SRC: variants seen among roughly 807,000 people sequenced by gnomAD.
The protein encoded by SRC is SRC proto-oncogene, non-receptor tyrosine kinase.
Under a neutral mutation model 62.9 loss-of-function variants are expected in SRC, and 13 were observed. The observed-to-expected ratio is 0.21, with a 90% CI of 0.13 to 0.33. SRC has a LOEUF of 0.33. Ranked by LOEUF, SRC falls within the 10% of genes least tolerant of loss-of-function variation. The pLI is 1.00. For synonymous variants in SRC, 302 were observed against 317.5 expected (o/e 0.95, Z 0.52); for missense variants, 457 against 737.3 (o/e 0.62, Z 4.40).
chr20:37,399,882 A>G (rs2070712458), intron 9 of SRC, among the ~76,000 whole-genome samples: 2 of 152,194 alleles, frequency 1.3e-5, no homozygotes, highest in African/African-American at 2.4e-5. Flanking sequence ...GACAACAGCT[A>G]CTGGTTCTTG....
intron 1 of SRC, among the ~76,000 whole-genome samples, chr20:37,357,299 C>T (rs1170552525): frequency 2.0e-5 from 3 of 152,230 alleles, no homozygotes; most frequent in Admixed American, 1.3e-4. Flanking sequence ...GGGCTGGCTA[C>T]AGCTGCCCTG....
At chr20:37,377,128 G>T (rs1009283084) in intron 2 of SRC, among the ~76,000 whole-genome samples, 1 of 152,162 alleles carries the variant, frequency 6.6e-6, no homozygotes, top group Non-Finnish European at 1.5e-5. Context: ...TGTGTAAAGC[G>T]CCCAGCCTTG....
At chr20:37,362,526 C>A (rs2069990514) in intron 1 of SRC, among the ~76,000 whole-genome samples, 1 of 152,150 alleles carries the variant, frequency 6.6e-6, no homozygotes, top group Non-Finnish European at 1.5e-5. Flanking sequence ...CCAGCCCACA[C>A]CCTCATTCCA....
At chr20:37,368,531 T>G (rs1600973178) in intron 2 of SRC, among the ~76,000 whole-genome samples, 23 of 123,844 alleles carry the variant, frequency 1.9e-4, no homozygotes, top group East Asian at 1.1e-3. Flanking sequence ...TTTTTTTTTT[T>G]TTTTTTTTTT....
intron 1 of SRC, among the ~76,000 whole-genome samples, chr20:37,356,804 C>T (rs367972836): frequency 3.3e-5 from 5 of 152,108 alleles, no homozygotes; most frequent in African/African-American, 1.2e-4. Flanking sequence ...GGTCTGGACT[C>T]TAGACAGGGG....
In SRC at chr20:37,397,650, GC is replaced by G; in HGVS notation, c.704-45del. The G allele has an allele frequency of 6.7e-7, 1 of 1,503,108 alleles. No individual in the cohort carries two copies. The allele number at this position is 1,503,108 out of a possible 1,614,324, so 93.1% of individuals were successfully genotyped here. A position where few individuals can be genotyped will look rare whatever the true frequency, so the allele number is the denominator to read the frequency against. ...GCGACACACACTGAGGGGCAGGGAGGCCCCAGGGCAGAAGACCCGCCTAACT... is the reference window on the plus strand; with the variant it reads ...GCGACACACACTGAGGGGCAGGGAGGCCCAGGGCAGAAGACCCGCCTAACT... On this transcript the variant is annotated intron_variant, in intron 8 of 13. Transcript: ENST00000373578. This position sits in a 1 kb window ranked among gnomAD's most constrained non-coding sequence, Gnocchi z 4.1.
intron 2 of SRC, among the ~76,000 whole-genome samples, chr20:37,369,762 C>G (rs531689750): frequency 3.3e-5 from 5 of 151,862 alleles, no homozygotes; most frequent in African/African-American, 1.2e-4. Flanking sequence ...AGGATGTTAG[C>G]TCTGGGGTTT....
intron 1 of SRC, among the ~76,000 whole-genome samples, chr20:37,357,475 C>T (rs916000859): frequency 1.3e-5 from 2 of 152,202 alleles, no homozygotes; most frequent in Non-Finnish European, 2.9e-5. Context: ...TGCCTTTGGC[C>T]AGTGTCTGTT....
intron 2 of SRC, among the ~76,000 whole-genome samples, chr20:37,375,310 C>T (rs2070259738): frequency 6.6e-6 from 1 of 151,940 alleles, no homozygotes; most frequent in African/African-American, 2.4e-5. Context: ...TGGCTCACTG[C>T]AGCCTCAACC....
At chr20:37,371,233 A>T (rs948781817) in intron 2 of SRC, among the ~76,000 whole-genome samples, 3 of 152,132 alleles carry the variant, frequency 2.0e-5, no homozygotes, top group Non-Finnish European at 4.4e-5. Flanking sequence ...AACTCAGGTG[A>T]TCTGCCTGCC....
At chr20:37,387,855 G>C (rs2070482544) in intron 5 of SRC, among the ~76,000 whole-genome samples, 1 of 152,170 alleles carries the variant, frequency 6.6e-6, no homozygotes, top group Non-Finnish European at 1.5e-5. Context: ...GCTTGAAGTT[G>C]CGTTATTTTA....
At chr20:37,361,786 CCTCTGTGTGCAGGTAGAGATGCCGGGGT>C (rs1568621584) in intron 1 of SRC, among the ~76,000 whole-genome samples, 4 of 147,796 alleles carry the variant, frequency 2.7e-5, no homozygotes, top group Non-Finnish European at 6.0e-5. Flanking sequence ...CTGCTGAGGG[CCTCTGTGTGCAGGTAGAGATGCCGGGGT>C]CTCTGTGTGC....
At chr20:37,357,953 G>C (rs1047546581) in intron 1 of SRC, among the ~76,000 whole-genome samples, 8 of 152,214 alleles carry the variant, frequency 5.3e-5, no homozygotes, top group African/African-American at 1.7e-4. Context: ...AGTAGAGCGA[G>C]GGGAGGGATG....
At position 37,368,518 on chromosome 20, in the gene SRC, C is replaced by CTTTTTTTTTTTTTTTTTTTTTTT. The variant is rs1352624429; in HGVS notation, c.-173+3244_-173+3266dup. Among the ~76,000 whole-genome samples, 57 of 73,892 alleles carry CTTTTTTTTTTTTTTTTTTTTTTT rather than the reference C, an allele frequency of 7.7e-4. 6 individuals carry two copies. Among genetic ancestry groups the CTTTTTTTTTTTTTTTTTTTTTTT allele is most frequent in the East Asian group, 2.3e-3 (5 of 2,140 alleles). The allele number at this position is 73,892 out of a possible 152,430, so 48.5% of individuals were successfully genotyped here. A position where few individuals can be genotyped will look rare whatever the true frequency, so the allele number is the denominator to read the frequency against. ...GTCATAACATTTATGCCTATATTTT[C>CTTTTTTTTTTTTTTTTTTTTTTT]TTTTTTTTTTTTTTTTTTTTTTTTT... On this transcript the variant is annotated intron_variant, in intron 2 of 13. Transcript: ENST00000373578.
chr20:37,401,725 C>T (rs2070741010), intron 11 of SRC, 47 bp downstream of exon 11: 1 of 1,472,158 alleles, frequency 6.8e-7, no homozygotes, highest in Non-Finnish European at 9.3e-7. Flanking sequence ...CCTCAAGCAC[C>T]CAGACCCATC....
intron 3 of SRC, chr20:37,383,706 G>C (rs1347544665): frequency 6.0e-6 from 1 of 166,480 alleles, no homozygotes; most frequent in South Asian, 1.4e-4. Flanking sequence ...CAAAAAGGCT[G>C]GTGCCCCTGT....
Position 37,397,875 on chromosome 20 carries a change from T to C in SRC, c.859+21T>C, listed in dbSNP as rs1421420228. ...GATGGGTAAGGCCTGGCCCCTGCCC[T>C]CGGGAGAGGCATCCACCCCCCACCC... is the stretch of plus-strand genomic sequence containing the variant. On this transcript the variant is annotated intron_variant, in intron 9 of 13. Coordinates refer to ENST00000373578, the MANE Select transcript of SRC (RefSeq NM_198291.3). The surrounding 1 kb of genome is among the most constrained non-coding windows in gnomAD (Gnocchi z 4.1). 2.5e-6 allele frequency: 4 copies of C among 1,597,284 alleles called. No homozygotes were observed. Among genetic ancestry groups the C allele is most frequent in the Admixed American group, 1.7e-5 (1 of 58,520 alleles).
intron 1 of SRC, among the ~76,000 whole-genome samples, chr20:37,348,632 A>G (rs2069757253): frequency 6.6e-6 from 1 of 151,968 alleles, no homozygotes; most frequent in Non-Finnish European, 1.5e-5. Flanking sequence ...TTCCCTTCCC[A>G]GGGGCCCTGA....
intron 1 of SRC, among the ~76,000 whole-genome samples, chr20:37,347,256 CAGCCACAGTGCAG>C (rs2069735357): frequency 6.6e-6 from 1 of 152,196 alleles, no homozygotes; most frequent in African/African-American, 2.4e-5. Flanking sequence ...GGCCCAGCCA[CAGCCACAGTGCAG>C]CTGGGATCAG....
Sources: gnomAD v4.1 joint callset for allele counts (sites outside exome capture counted in the v4.1 genomes callset) on GRCh38, gnomAD v4.1.1 for gene constraint, Gnocchi (gnomAD v3.1) non-coding constraint, MANE v1.5 for transcripts, NCBI Gene and HGNC (gene_info 2026-07-23, HGNC 2026-07-21) for gene names.